Variants in FHIT observed in about 807,000 individuals in gnomAD.
FHIT encodes fragile histidine triad diadenosine triphosphatase.
FHIT carries 19 observed loss-of-function variants against 17.9 expected under a neutral mutation model. The observed-to-expected ratio is 1.06, with a 90% CI of 0.74 to 1.56. The LOEUF (loss-of-function observed/expected upper bound fraction) is 1.56, where lower values mean the gene tolerates loss of function less well. Ranked by LOEUF, FHIT falls within the 40% of genes most tolerant of loss-of-function variation. The pLI is 0.00. For missense variants in FHIT, 248 were observed against 189.2 expected (o/e 1.31, Z -1.82); for synonymous variants, 81 against 69.7 (o/e 1.16, Z -0.81).
At chr3:60,006,397 T>C (rs1699925168) in intron 7 of FHIT, among the ~76,000 whole-genome samples, 1 of 152,136 alleles carries the variant, frequency 6.6e-6, no homozygotes, top group Non-Finnish European at 1.5e-5. Context: ...ATCTCAATGC[T>C]AGTTACAACC....
intron 5 of FHIT, among the ~76,000 whole-genome samples, chr3:60,484,787 A>C (rs554324314): frequency 6.6e-6 from 1 of 152,234 alleles, no homozygotes; most frequent in African/African-American, 2.4e-5. Context: ...AATTGCAACA[A>C]AGGTCAAAAT....
At chr3:60,819,007 G>T (rs1287051918) in intron 4 of FHIT, among the ~76,000 whole-genome samples, 3 of 146,514 alleles carry the variant, frequency 2.0e-5, no homozygotes, top group Non-Finnish European at 3.0e-5. Context: ...ATGCTTCCAG[G>T]TAATTTCTTT....
intron 5 of FHIT, among the ~76,000 whole-genome samples, chr3:60,090,943 T>C (rs911675095): frequency 6.6e-6 from 1 of 152,216 alleles, no homozygotes; most frequent in African/African-American, 2.4e-5. Flanking sequence ...AAACACTGAA[T>C]ATGATTTCAA....
At chr3:61,062,055 A>T (rs1231252169) in intron 2 of FHIT, among the ~76,000 whole-genome samples, 1 of 152,166 alleles carries the variant, frequency 6.6e-6, no homozygotes, top group African/African-American at 2.4e-5. Flanking sequence ...ATATAATACT[A>T]TATATAATAC....
intron 5 of FHIT, among the ~76,000 whole-genome samples, chr3:60,297,941 G>T (rs1387118477): frequency 6.6e-6 from 1 of 152,038 alleles, no homozygotes; most frequent in African/African-American, 2.4e-5. Context: ...TATAAATCAG[G>T]ATTCCTACAA....
At chr3:59,842,561 A>C (rs976738818) in intron 8 of FHIT, among the ~76,000 whole-genome samples, 1 of 152,130 alleles carries the variant, frequency 6.6e-6, no homozygotes, top group Non-Finnish European at 1.5e-5. Flanking sequence ...CAATTTCTCC[A>C]TATCTTTGCC....
intron 5 of FHIT, among the ~76,000 whole-genome samples, chr3:60,343,020 C>A (rs17599894): frequency 0.15 from 22,396 of 151,994 alleles, 1,733 homozygotes; most frequent in Non-Finnish European, 0.16. Context: ...GAGTCTATAG[C>A]GATTTGTTTA....
intron 5 of FHIT, among the ~76,000 whole-genome samples, chr3:60,526,350 G>A (rs2035575596): frequency 1.3e-5 from 2 of 152,098 alleles, no homozygotes; most frequent in African/African-American, 2.4e-5. Context: ...TTTTAGGTCT[G>A]CCGGTGTTCC....
At chr3:60,287,440 A>G (rs1442277738) in intron 5 of FHIT, among the ~76,000 whole-genome samples, 2 of 152,200 alleles carry the variant, frequency 1.3e-5, no homozygotes, top group Non-Finnish European at 2.9e-5. Flanking sequence ...AAGTGCTGGG[A>G]TTACAGGCAT....
chr3:60,400,670 A>T (rs1456888935), intron 5 of FHIT, among the ~76,000 whole-genome samples: 1 of 152,072 alleles, frequency 6.6e-6, no homozygotes, highest in Non-Finnish European at 1.5e-5. Context: ...CACGTGTCTG[A>T]AAGTGCTGGG....
chr3:60,291,423 G>A (rs1339362346), intron 5 of FHIT, among the ~76,000 whole-genome samples: 2 of 151,870 alleles, frequency 1.3e-5, no homozygotes, highest in Non-Finnish European at 2.9e-5. Flanking sequence ...GCTGTGCCAT[G>A]TTGCCCGTTT....
intron 8 of FHIT, among the ~76,000 whole-genome samples, chr3:59,754,768 T>C (rs983381552): frequency 6.6e-6 from 1 of 152,178 alleles, no homozygotes; most frequent in Non-Finnish European, 1.5e-5. Flanking sequence ...TGGGAAATAA[T>C]AGGAAATAAA....
chr3:60,427,595 G>C (rs1702720166), intron 5 of FHIT, among the ~76,000 whole-genome samples: 1 of 152,066 alleles, frequency 6.6e-6, no homozygotes, highest in African/African-American at 2.4e-5. Flanking sequence ...TCCTCTGGCT[G>C]TTTTTTCTTG....
chr3:60,112,123 G>C (rs1456709378), intron 5 of FHIT, among the ~76,000 whole-genome samples: 1 of 152,164 alleles, frequency 6.6e-6, no homozygotes, highest in African/African-American at 2.4e-5. Context: ...TTGGGTTCAA[G>C]TACAAGAATC....
chr3:59,762,066 T>C (rs552541099), intron 8 of FHIT, among the ~76,000 whole-genome samples: 1 of 152,238 alleles, frequency 6.6e-6, no homozygotes, highest in African/African-American at 2.4e-5. Flanking sequence ...GCATAAGCAC[T>C]GTGATTTCAT....
At chr3:60,062,355 G>A (rs1056028816) in intron 5 of FHIT, among the ~76,000 whole-genome samples, 5 of 152,198 alleles carry the variant, frequency 3.3e-5, no homozygotes, top group African/African-American at 1.2e-4. Context: ...TGACAATGAG[G>A]GTGGTTGAGA....
rs1386259405 is a variant in FHIT, at chr3:59,880,074, G to A, written c.348+42272C>T. On this transcript the variant is annotated intron_variant, in intron 8 of 9. Transcript: ENST00000492590. ...GAAGATCATGGCTTCAGATCACAGG[G>A]ACAAAGAAGCATGGCATCAAACTGC... Among the ~76,000 whole-genome samples the A allele has an allele frequency of 2.0e-5, 3 of 152,268 alleles. No individual in the cohort carries two copies. In the East Asian group the frequency reaches 5.8e-4, roughly 29 times the overall value.
At chr3:60,831,239 T>TG (rs1702316004) in intron 3 of FHIT, among the ~76,000 whole-genome samples, 1 of 152,186 alleles carries the variant, frequency 6.6e-6, no homozygotes. Flanking sequence ...GAGTTGAAGC[T>TG]GAAAAACATA....
intron 2 of FHIT, among the ~76,000 whole-genome samples, chr3:61,080,003 TATC>T (rs1328845548): frequency 6.6e-6 from 1 of 152,156 alleles, no homozygotes; most frequent in Non-Finnish European, 1.5e-5. Context: ...AAATTAAAAT[TATC>T]ATCAAACTCT....
Sources: allele counts gnomAD v4.1 joint callset (sites outside exome capture counted in the v4.1 genomes callset), GRCh38; gene constraint gnomAD v4.1.1; transcripts MANE v1.5; gene names NCBI Gene and HGNC (gene_info 2026-07-23, HGNC 2026-07-21).